LMAN2L: variants seen among roughly 807,000 people sequenced by gnomAD.
The protein encoded by LMAN2L is lectin, mannose binding 2 like.
In LMAN2L, 30 loss-of-function variants were observed where a neutral mutation model predicts 44.3. The observed-to-expected ratio is 0.68, with a 90% CI of 0.51 to 0.92. The LOEUF is 0.92. Among genes scored for constraint, LMAN2L ranks in the 40% least tolerant of loss-of-function variants. The probability of loss-of-function intolerance (pLI) is 0.00; values close to 1 mark genes in which losing one functional copy is unlikely to be tolerated. For missense variants in LMAN2L, 429 were observed against 446.1 expected (o/e 0.96, Z 0.35); for synonymous variants, 183 against 171.1 (o/e 1.07, Z -0.54).
At chr2:96,733,930 C>G (rs2078458925) in intron 3 of LMAN2L, among the ~76,000 whole-genome samples, 1 of 152,160 alleles carries the variant, frequency 6.6e-6, no homozygotes, top group Non-Finnish European at 1.5e-5. Context: ...AAAGACTATG[C>G]CCCCAAGAGA....
rs1458960236 is a variant in LMAN2L at position 96,729,493 on chromosome 2, G to T, written c.507+4026C>A. ...AGCAGCCATCTAATAAACAGCAAGTGATTTTATTTTTTTTTTAATGGCTTT... is the reference window on the plus strand; with the variant it reads ...AGCAGCCATCTAATAAACAGCAAGTTATTTTATTTTTTTTTTAATGGCTTT... On this transcript the variant is annotated intron_variant, in intron 4 of 7. Coordinates refer to ENST00000264963, the MANE Select transcript of LMAN2L (RefSeq NM_030805.4). Among the ~76,000 whole-genome samples, 3 of 151,680 alleles carry T rather than the reference G, an allele frequency of 2.0e-5. No homozygotes were observed. In the East Asian group the frequency reaches 5.8e-4, roughly 29 times the overall value.
chr2:96,711,954 C>G lies in LMAN2L; in HGVS notation c.579G>C (p.Arg193=), dbSNP rs1231442046. 1 of 1,614,078 alleles carries G rather than the reference C, an allele frequency of 6.2e-7. No homozygotes were observed. The highest frequency in any genetic ancestry group is 8.5e-7 in the Non-Finnish European group (1 of 1,180,042). ...CTGTGCAGCCTCCCAGCTCTGTAGG[C>G]CGCCCATCCCGCTCATGATCATAGC... The part of the protein sequence containing the change: ...SLSYDHERDG[R]PTELGGCTAI... The change falls in exon 5 of 8, where the codon CGG becomes CGC. Residue 193 remains arginine, a synonymous_variant. Transcript: ENST00000264963.
At chr2:96,728,488 A>G (rs1450441245) in intron 4 of LMAN2L, among the ~76,000 whole-genome samples, 2 of 145,814 alleles carry the variant, frequency 1.4e-5, no homozygotes, top group African/African-American at 2.6e-5. Flanking sequence ...CCTGGGCAAC[A>G]GAGCAAGACT....
At chr2:96,735,456 T>C (rs114826254) in intron 2 of LMAN2L, among the ~76,000 whole-genome samples, 33 of 152,346 alleles carry the variant, frequency 2.2e-4, no homozygotes, top group African/African-American at 7.7e-4. Flanking sequence ...TACTCCTGCA[T>C]TGAGCAAGGG....
In LMAN2L at chr2:96,711,992, T is replaced by C. The variant is rs749370052; in HGVS notation, c.541A>G (p.Asn181Asp). The change falls in exon 5 of 8, where the codon AAC becomes GAC. Residue 181 changes from asparagine (N) to aspartate (D), a missense_variant. Asn to Asp is a conservative substitution (Grantham distance 23). Transcript: ENST00000264963. ...VFPYISAMVNNGSLSYDHERD... is the reference protein window; with the variant it reads ...VFPYISAMVNDGSLSYDHERD... Reference sequence around the variant, plus strand: ...TCATGATCATAGCTGAGGGAGCCGTTGTTCACCATGGCTGAGATGTAGGGG... The same window carrying C: ...TCATGATCATAGCTGAGGGAGCCGTCGTTCACCATGGCTGAGATGTAGGGG... 4.3e-6 allele frequency: 7 copies of C among 1,614,052 alleles called. No individual in the cohort carries two copies. The South Asian group carries it at 4.4e-5, about 10-fold the overall frequency.
intron 1 of LMAN2L, 29 bp from the exon 2 acceptor site, chr2:96,738,096 C>T (rs765145481): frequency 5.5e-6 from 8 of 1,464,110 alleles, no homozygotes; most frequent in African/African-American, 4.2e-5. Context: ...TCAGTTCATA[C>T]TTTTCAACAC....
At chr2:96,734,644 T>A (rs1323815121) in intron 2 of LMAN2L, 118 bp from the exon 3 acceptor site, 2 of 681,046 alleles carry the variant, frequency 2.9e-6, no homozygotes, top group Non-Finnish European at 5.3e-6. Flanking sequence ...GACTAAGGGT[T>A]AAAACTTAAA....
Position 96,737,239 on chromosome 2 carries a change from A to T in LMAN2L, c.306+710T>A, listed in dbSNP as rs760510995. 160 of 426,850 alleles carry T rather than the reference A, an allele frequency of 3.7e-4. 2 individuals carry two copies. Among genetic ancestry groups the T allele is most frequent in the Middle Eastern group, 1.0e-3 (3 of 2,928 alleles). The allele number at this position is 426,850 out of a possible 1,614,324, so 26.4% of individuals were successfully genotyped here. ...GCAGCTAGAAAAGGTCCAGAGAAGG[A>T]CAAATAAAATGACCAACAGCTCAGA... is the stretch of plus-strand genomic sequence containing the variant. On this transcript the variant is annotated intron_variant, in intron 2 of 7. Transcript: ENST00000264963.
At chr2:96,721,542 G>A (rs191582970) in intron 4 of LMAN2L, among the ~76,000 whole-genome samples, 8 of 151,298 alleles carry the variant, frequency 5.3e-5, no homozygotes, top group African/African-American at 1.7e-4. Context: ...TTGCTCCATC[G>A]CCCAGGCTAC....
chr2:96,736,469 A>G (rs185396766), intron 2 of LMAN2L, among the ~76,000 whole-genome samples: 5 of 152,344 alleles, frequency 3.3e-5, no homozygotes, highest in Non-Finnish European at 5.9e-5. Context: ...TAGAGGCTAT[A>G]CTAGAACTGC....
intron 4 of LMAN2L, among the ~76,000 whole-genome samples, chr2:96,731,297 G>A (rs574457459): frequency 6.6e-6 from 1 of 152,296 alleles, no homozygotes. Flanking sequence ...AGAAGCAGCT[G>A]TAACTGATCC....
intron 4 of LMAN2L, among the ~76,000 whole-genome samples, chr2:96,726,650 G>A (rs1558958528): frequency 6.6e-6 from 1 of 151,852 alleles, no homozygotes; most frequent in East Asian, 1.9e-4. Context: ...TGGGAGTGGT[G>A]GTGGGCGCCT....
At chr2:96,733,426 T>C (rs1267069331) in intron 4 of LMAN2L, 93 bp downstream of exon 4, 5 of 905,634 alleles carry the variant, frequency 5.5e-6, no homozygotes, top group African/African-American at 5.0e-5. Flanking sequence ...ACCCCTCACT[T>C]TCTATCTCCT....
At chr2:96,736,852 C>G (rs780629852) in intron 2 of LMAN2L, among the ~76,000 whole-genome samples, 3 of 152,164 alleles carry the variant, frequency 2.0e-5, no homozygotes, top group African/African-American at 4.8e-5. Flanking sequence ...GCTCTGTACT[C>G]TGTCCAAAAA....
At chr2:96,715,501 T>C (rs1464076637) in intron 4 of LMAN2L, among the ~76,000 whole-genome samples, 1 of 152,216 alleles carries the variant, frequency 6.6e-6, no homozygotes, top group African/African-American at 2.4e-5. Flanking sequence ...GTTTTTCCCC[T>C]AGAAAGCACT....
At chr2:96,723,032 G>A (rs998590683) in intron 4 of LMAN2L, among the ~76,000 whole-genome samples, 1 of 151,836 alleles carries the variant, frequency 6.6e-6, no homozygotes, top group Non-Finnish European at 1.5e-5. Flanking sequence ...AAAAAAAAAA[G>A]TTTTGTGTAG....
Position 96,734,320 on chromosome 2 carries a change from G to C in LMAN2L, c.424+89C>G. 18 of 813,908 alleles carry C rather than the reference G, an allele frequency of 2.2e-5. 1 individual carries two copies. The highest frequency in any genetic ancestry group is 6.1e-4 in the Middle Eastern group (2 of 3,292). 50.4% of individuals were successfully genotyped at this position (813,908 alleles called of 1,614,324 possible). A position where few individuals can be genotyped will look rare whatever the true frequency, so the allele number is the denominator to read the frequency against. On this transcript the variant is annotated intron_variant, in intron 3 of 7. Transcript: ENST00000264963. ...CATTAAGGGAGAGGGAAAACAGCTG[G>C]CACTGTGGGGAAGGAACCTTTTCAA... is the stretch of plus-strand genomic sequence containing the variant.
In LMAN2L at chr2:96,738,025, T is replaced by C. The variant is rs868073557; in HGVS notation, c.230A>G (p.Asn77Ser). 9 of 1,614,136 alleles carry C rather than the reference T, an allele frequency of 5.6e-6. No individual in the cohort carries two copies. The highest frequency in any genetic ancestry group is 1.6e-4 in the Middle Eastern group (1 of 6,062). Residue 77 changes from asparagine to serine, a missense_variant, in exon 2 of 8, where the codon AAT (asparagine) becomes AGT (serine). By Grantham distance (46) the Asn-to-Ser change is conservative (BLOSUM62 1). Transcript: ENST00000264963. The stretch of plus-strand genomic sequence containing the variant: ...GATATACTGGGTCATCACCATGGCA[T>C]TGCCCATCAGATTCCACAGTGAGGA... ...GSSSLWNLMG[N>S]AMVMTQYIRL...
intron 4 of LMAN2L, among the ~76,000 whole-genome samples, chr2:96,728,400 G>A (rs146344114): frequency 1.3e-5 from 2 of 151,842 alleles, no homozygotes; most frequent in South Asian, 2.1e-4. Context: ...CAGCTATTCC[G>A]GAGGCTGAGG....
Sources: gnomAD v4.1 joint callset for allele counts (sites outside exome capture counted in the v4.1 genomes callset) on GRCh38, gnomAD v4.1.1 for gene constraint, MANE v1.5 for transcripts, NCBI Gene and HGNC (gene_info 2026-07-23, HGNC 2026-07-21) for gene names.